The following CHODL variants were observed in gnomAD, a reference collection of about 807,000 sequenced individuals.
The protein encoded by CHODL is chondrolectin.
In CHODL, 29 loss-of-function variants were observed where a neutral mutation model predicts 34.5. The observed-to-expected ratio is 0.84, with a 90% confidence interval of 0.63 to 1.15. The LOEUF (loss-of-function observed/expected upper bound fraction) is 1.15, where lower values mean the gene tolerates loss of function less well. CHODL is among the 50% of genes most tolerant of loss of function. CHODL has a pLI of 0.00. For missense variants in CHODL, 332 were observed against 332.5 expected (o/e 1.00, Z 0.01); for synonymous variants, 125 against 116.1 (o/e 1.08, Z -0.49).
chr21:17,999,749 C>T (rs576403924), intron 1 of CHODL, among the ~76,000 whole-genome samples: 1 of 152,160 alleles, frequency 6.6e-6, no homozygotes, highest in Non-Finnish European at 1.5e-5. Flanking sequence ...CCTCCCACAA[C>T]ACATGGGAAT....
At chr21:18,130,970 A>G (rs1340066685) in intron 2 of CHODL, among the ~76,000 whole-genome samples, 2 of 152,106 alleles carry the variant, frequency 1.3e-5, no homozygotes, top group African/African-American at 4.8e-5. Context: ...AAACAACAGA[A>G]ATTTATTTAT....
intron 1 of CHODL, among the ~76,000 whole-genome samples, chr21:17,936,720 T>C (rs8127725): frequency 0.41 from 62,623 of 152,018 alleles, 12,921 homozygotes; most frequent in South Asian, 0.56. Context: ...GGAAGGGATG[T>C]GACTGAGAAC....
intron 2 of CHODL, among the ~76,000 whole-genome samples, chr21:18,179,666 C>T (rs2073358614): frequency 6.6e-6 from 1 of 152,118 alleles, no homozygotes; most frequent in East Asian, 1.9e-4. Context: ...CTTTTTCCTC[C>T]ACTCTCCTTT....
chr21:17,947,375 T>A, intron 1 of CHODL, among the ~76,000 whole-genome samples: 1 of 151,734 alleles, frequency 6.6e-6, no homozygotes, highest in East Asian at 1.9e-4. Context: ...AATAAGGAAG[T>A]TTATAGCAGT....
chr21:18,198,741 A>T (rs1259978627), intron 2 of CHODL, among the ~76,000 whole-genome samples: 1 of 152,152 alleles, frequency 6.6e-6, no homozygotes, highest in East Asian at 1.9e-4. Context: ...TTACTACATA[A>T]ACATGGAAAA....
intron 1 of CHODL, among the ~76,000 whole-genome samples, chr21:17,979,612 C>T (rs543706367): frequency 3.3e-5 from 5 of 152,030 alleles, no homozygotes; most frequent in East Asian, 1.9e-4. Context: ...GAGTAAAGAG[C>T]GTTGGAAATT....
intron 4 of CHODL, among the ~76,000 whole-genome samples, chr21:18,261,097 G>A (rs73206954): frequency 0.051 from 7,683 of 152,130 alleles, 270 homozygotes; most frequent in Non-Finnish European, 0.075. Context: ...GAAGTGATGC[G>A]CAGTTAAATG....
chr21:17,979,329 T>C (rs1342485678), intron 1 of CHODL, among the ~76,000 whole-genome samples: 1 of 152,174 alleles, frequency 6.6e-6, no homozygotes, highest in East Asian at 1.9e-4. Context: ...AGTAAAAGAT[T>C]CCCTCTTTAA....
chr21:18,210,308 T>A (rs2073758980), intron 2 of CHODL, among the ~76,000 whole-genome samples: 1 of 152,102 alleles, frequency 6.6e-6, no homozygotes, highest in African/African-American at 2.4e-5. Flanking sequence ...TCACGGCACT[T>A]CCCCTCCCCG....
intron 2 of CHODL, among the ~76,000 whole-genome samples, chr21:18,105,308 G>C (rs2065260363): frequency 6.6e-6 from 1 of 152,234 alleles, no homozygotes; most frequent in Admixed American, 6.5e-5. Context: ...AGCTGTAGCA[G>C]AGCAAGCTGT....
At chr21:18,017,178 A>G (rs2064083270) in intron 1 of CHODL, among the ~76,000 whole-genome samples, 1 of 152,134 alleles carries the variant, frequency 6.6e-6, no homozygotes, top group Admixed American at 6.5e-5. Flanking sequence ...AAATGTGAGA[A>G]GGCCATGAGA....
chr21:18,042,622 C>T (rs552384486), intron 2 of CHODL, among the ~76,000 whole-genome samples: 46 of 152,014 alleles, frequency 3.0e-4, no homozygotes, highest in Middle Eastern at 3.4e-3. Context: ...TTCTATATAT[C>T]CAGTGGTTTA....
intron 1 of CHODL, among the ~76,000 whole-genome samples, chr21:17,973,631 G>A (rs1206415560): frequency 6.7e-6 from 1 of 150,064 alleles, no homozygotes; most frequent in African/African-American, 2.4e-5. Flanking sequence ...CGTGTTAGCC[G>A]GGATGGTCTC....
At chr21:17,933,079 C>G (rs1759002849) in intron 1 of CHODL, among the ~76,000 whole-genome samples, 1 of 152,186 alleles carries the variant, frequency 6.6e-6, no homozygotes, top group Non-Finnish European at 1.5e-5. Flanking sequence ...AGCAGTATTG[C>G]TGCCCGCCTG....
At chr21:18,028,249 T>TCTCCTA (rs1317445927) in intron 2 of CHODL, among the ~76,000 whole-genome samples, 1 of 81,162 alleles carries the variant, frequency 1.2e-5, no homozygotes. Context: ...CCCTTCCCCT[T>TCTCCTA]TTCCTTTTCT....
intron 2 of CHODL, among the ~76,000 whole-genome samples, chr21:18,051,664 A>C (rs1294856807): frequency 6.6e-6 from 1 of 151,958 alleles, no homozygotes; most frequent in East Asian, 1.9e-4. Context: ...TAAATTTGGC[A>C]GGAATTTTAA....
At position 18,266,196 on chromosome 21, in the gene CHODL, A is replaced by T; in HGVS notation, c.*158A>T. The T allele has an allele frequency of 6.5e-7, 1 of 1,540,796 alleles. No individual in the cohort carries two copies. The highest frequency in any genetic ancestry group is 8.8e-7 in the Non-Finnish European group (1 of 1,142,048). On this transcript the variant is annotated 3_prime_UTR_variant, in exon 6 of 6. Coordinates refer to ENST00000299295, the MANE Select transcript of CHODL (RefSeq NM_024944.3). ...ATATTAAAGTAATTTTTATATGTCT[A>T]TTATTTCATTTAAAGAATATGCTGT... is the stretch of plus-strand genomic sequence containing the variant.
At chr21:18,190,498 A>G (rs750676745) in intron 2 of CHODL, among the ~76,000 whole-genome samples, 2 of 152,220 alleles carry the variant, frequency 1.3e-5, no homozygotes, top group Non-Finnish European at 2.9e-5. Flanking sequence ...ATTTTAAGTC[A>G]TTGGGTTCTC....
At chr21:18,150,198 A>C (rs970833976) in intron 2 of CHODL, among the ~76,000 whole-genome samples, 1 of 152,216 alleles carries the variant, frequency 6.6e-6, no homozygotes, top group Non-Finnish European at 1.5e-5. Flanking sequence ...TTAAGATAAA[A>C]GATTGTGGAG....
Sources: allele counts gnomAD v4.1 joint callset (sites outside exome capture counted in the v4.1 genomes callset), GRCh38; gene constraint gnomAD v4.1.1; transcripts MANE v1.5; gene names NCBI Gene and HGNC (gene_info 2026-07-23, HGNC 2026-07-21).